Variants in ZNF331 observed in about 807,000 individuals in gnomAD.
ZNF331 encodes the protein zinc finger protein 331.
Under a neutral mutation model 7.0 loss-of-function variants are expected in ZNF331, and 2 were observed. The observed-to-expected ratio is 0.29, with a 90% CI of 0.12 to 0.90. ZNF331 has a LOEUF of 0.90. Ranked by LOEUF, ZNF331 falls within the 40% of genes least tolerant of loss-of-function variation. The pLI, the probability that ZNF331 is intolerant of heterozygous loss-of-function variation, is 0.58. For missense variants in ZNF331, 432 were observed against 587.7 expected (o/e 0.74, Z 2.74); for synonymous variants, 196 against 205.4 (o/e 0.95, Z 0.39).
chr19:53,577,122 G>A lies in ZNF331; in HGVS notation c.562G>A (p.Glu188Lys), dbSNP rs1416538144. 14 of 1,614,058 alleles carry A rather than the reference G, an allele frequency of 8.7e-6. No homozygotes were observed. The highest frequency in any genetic ancestry group is 5.0e-5 in the Admixed American group (3 of 60,000). Residue 188 changes from glutamate (E) to lysine (K), a missense_variant, in exon 6 of 6, where the codon GAA becomes AAA. Coordinates refer to ENST00000449416, the MANE Select transcript of ZNF331 (RefSeq NM_001079906.2). ...AATTCATACTGGGGAGAAGCCCTAC[G>A]AATGTAAAGACTGTGGGAAGGCTTT... ...QKIHTGEKPY[E>K]CKDCGKAFRW...
the ZNF331 span, among the ~76,000 whole-genome samples, chr19:53,505,611 G>T: frequency 9.2e-5 from 14 of 152,294 alleles, no homozygotes; most frequent in Admixed American, 3.3e-4. Context: ...GGATGGTGGG[G>T]TGAAGTGTGG....
At chr19:53,563,176 C>T (rs886234506) in intron 3 of ZNF331, among the ~76,000 whole-genome samples, 1 of 150,212 alleles carries the variant, frequency 6.7e-6, no homozygotes, top group Non-Finnish European at 1.5e-5. Context: ...CAATCTCCGC[C>T]TCCCGGGTTC....
At position 53,571,815 on chromosome 19, in the gene ZNF331, C is replaced by T. The variant is rs1236912843; in HGVS notation, c.136+85C>T. ...AATTTCAGGACCGCCTTTCAAGAAA[C>T]TAGTTGAATTTCTTCTTCCTGTCCC... On this transcript the variant is annotated intron_variant, in intron 5 of 5. Coordinates refer to ENST00000449416, the MANE Select transcript of ZNF331 (RefSeq NM_001079906.2). The surrounding 1 kb of genome is among the most constrained non-coding windows in gnomAD (Gnocchi z 4.7). 2 of 1,492,932 alleles carry T rather than the reference C, an allele frequency of 1.3e-6. No homozygotes were observed. Among genetic ancestry groups the T allele is most frequent in the Admixed American group, 2.2e-5 (1 of 44,676 alleles). 92.5% of individuals were successfully genotyped at this position (1,492,932 alleles called of 1,614,324 possible).
rs557433188 is a variant in ZNF331, at chr19:53,542,876, C to T, written c.-138+3594C>T. Among the ~76,000 whole-genome samples the T allele has an allele frequency of 8.5e-5, 13 of 152,204 alleles. No homozygotes were observed. In the East Asian group the frequency reaches 2.3e-3, roughly 27 times the overall value. On this transcript the variant is annotated intron_variant, in intron 2 of 5. Coordinates refer to ENST00000449416, the MANE Select transcript of ZNF331 (RefSeq NM_001079906.2). ...CTAGGCTGGAGTGCAATGGCGCAAT[C>T]GCGGCTCACCGCAACCTCTGCCTCC... is the stretch of plus-strand genomic sequence containing the variant.
rs142510954 is a variant in ZNF331, at chr19:53,547,018, C to T, written c.-138+7736C>T. Among the ~76,000 whole-genome samples, 540 of 152,260 alleles carry T rather than the reference C, an allele frequency of 3.5e-3. 2 individuals are homozygous for T. Among genetic ancestry groups the T allele is most frequent in the Non-Finnish European group, 5.5e-3 (371 of 68,020 alleles). On this transcript the variant is annotated intron_variant, in intron 2 of 5. Coordinates refer to ENST00000449416, the MANE Select transcript of ZNF331 (RefSeq NM_001079906.2). ...ACAGAGGCTTTGATCTGTGTTTATA[C>T]TGCAGATTAAATCAAGCTGATTAAC...
rs557733941 is a variant in ZNF331, at chr19:53,569,668, T to G, written c.9+283T>G. ...CTTTGAGGGAAATATTTAAGTCAAG[T>G]CTGTGGTTTGATGAGTTAGATATGT... is the stretch of plus-strand genomic sequence containing the variant. On this transcript the variant is annotated intron_variant, in intron 4 of 5. Coordinates refer to ENST00000449416, the MANE Select transcript of ZNF331 (RefSeq NM_001079906.2). 3.9e-5 allele frequency among the ~76,000 whole-genome samples: 6 copies of G among 152,240 alleles called. No homozygotes were observed. The East Asian group carries it at 1.2e-3, about 29-fold the overall frequency.
At chr19:53,543,980 G>A (rs1485349088) in intron 2 of ZNF331, among the ~76,000 whole-genome samples, 1 of 152,108 alleles carries the variant, frequency 6.6e-6, no homozygotes, top group Non-Finnish European at 1.5e-5. Flanking sequence ...TGTAATCCCA[G>A]CACTTTGGGA....
the ZNF331 span, among the ~76,000 whole-genome samples, chr19:53,505,865 G>T: frequency 1.3e-5 from 2 of 151,202 alleles, no homozygotes; most frequent in African/African-American, 4.9e-5. Context: ...GGCACCTGTA[G>T]TCCCAGCTAC....
chr19:53,564,351 C>G (rs902928414), intron 3 of ZNF331, among the ~76,000 whole-genome samples: 1 of 151,972 alleles, frequency 6.6e-6, no homozygotes, highest in Non-Finnish European at 1.5e-5. Context: ...GCGATCTCGG[C>G]TCACTGCAGC....
chr19:53,556,969 CTCTTTTTT>C lies in ZNF331; in HGVS notation c.-74+1063_-74+1070del, dbSNP rs1351568924. On this transcript the variant is annotated intron_variant, in intron 3 of 5. Coordinates refer to ENST00000449416, the MANE Select transcript of ZNF331 (RefSeq NM_001079906.2). ...TACAGGTGTGAGCCACCACACCTGG[CTCTTTTTT>C]TTTTTTTTTTTTTTTTTTTTTTGGT... 7.4e-4 allele frequency among the ~76,000 whole-genome samples: 87 copies of C among 117,300 alleles called. No homozygotes were observed. In the East Asian group the frequency reaches 0.019, roughly 26 times the overall value. 77.0% of individuals were successfully genotyped at this position (117,300 alleles called of 152,430 possible).
At chr19:53,524,666 C>T (rs1284193632) in intron 2 of ZNF331, among the ~76,000 whole-genome samples, 1 of 151,820 alleles carries the variant, frequency 6.6e-6, no homozygotes, top group Non-Finnish European at 1.5e-5. Flanking sequence ...GGATATTAGC[C>T]CTTTGTGAGA....
intron 3 of ZNF331, among the ~76,000 whole-genome samples, chr19:53,567,009 A>G (rs2090191211): frequency 6.6e-6 from 1 of 151,654 alleles, no homozygotes; most frequent in Admixed American, 6.6e-5. Context: ...GTGTGTGTGT[A>G]TTTTTATATA....
the ZNF331 span, among the ~76,000 whole-genome samples, chr19:53,513,649 T>G: frequency 5.3e-5 from 8 of 151,052 alleles, no homozygotes; most frequent in East Asian, 1.9e-4. Flanking sequence ...TTTACTTTTT[T>G]TCGTTGTTGT....
chr19:53,564,577 G>A (rs1056918140), intron 3 of ZNF331, among the ~76,000 whole-genome samples: 4 of 152,108 alleles, frequency 2.6e-5, no homozygotes, highest in South Asian at 2.1e-4. Context: ...CACTGTGCCC[G>A]GACTATACAT....
the ZNF331 span, among the ~76,000 whole-genome samples, chr19:53,507,823 A>T: frequency 6.6e-6 from 1 of 152,226 alleles, no homozygotes; most frequent in Admixed American, 6.5e-5. Context: ...ACATAGGGAA[A>T]TGCCATCTGT....
At chr19:53,529,932 C>T (rs2087466321) in intron 2 of ZNF331, among the ~76,000 whole-genome samples, 1 of 152,072 alleles carries the variant, frequency 6.6e-6, no homozygotes, top group Non-Finnish European at 1.5e-5. Context: ...AGCACCCGCT[C>T]GGGTAGGCCA....
upstream of ZNF331, chr19:53,538,144 C>T (rs1487554214): frequency 6.6e-6 from 1 of 152,186 alleles, no homozygotes; most frequent in East Asian, 1.9e-4. Flanking sequence ...GAGTGTGTGA[C>T]GCACTTGCGT....
At chr19:53,553,570 C>A (rs1244009083) in intron 2 of ZNF331, among the ~76,000 whole-genome samples, 1 of 152,056 alleles carries the variant, frequency 6.6e-6, no homozygotes, top group Non-Finnish European at 1.5e-5. Context: ...GGGATAAATT[C>A]TAAAAAGTGG....
chr19:53,520,039 C>CTTATTA (rs138557099), upstream of ZNF331, among the ~76,000 whole-genome samples: 1,552 of 151,156 alleles, frequency 0.01, 31 homozygotes, highest in African/African-American at 0.034. Context: ...GCTTTCCGGG[C>CTTATTA]TTATTATTAT....
Sources: allele counts gnomAD v4.1 joint callset (sites outside exome capture counted in the v4.1 genomes callset), GRCh38; gene constraint gnomAD v4.1.1; non-coding constraint Gnocchi (gnomAD v3.1); transcripts MANE v1.5; gene names NCBI Gene and HGNC (gene_info 2026-07-23, HGNC 2026-07-21).